Variants in MACROD2 observed in about 807,000 individuals in gnomAD.
The protein encoded by MACROD2 is ADP-ribose glycohydrolase MACROD2.
Under a neutral mutation model 70.4 loss-of-function variants are expected in MACROD2, and 36 were observed. The ratio of observed to expected loss-of-function variants is 0.51; its 90% CI spans 0.39 to 0.68. MACROD2 has a LOEUF of 0.68. MACROD2 is among the 30% of genes least tolerant of loss of function. The pLI is 0.00. For synonymous variants in MACROD2, 172 were observed against 178.8 expected (o/e 0.96, Z 0.30); for missense variants, 496 against 538.4 (o/e 0.92, Z 0.78).
chr20:14,897,034 T>C (rs745408612), intron 5 of MACROD2, among the ~76,000 whole-genome samples: 4 of 152,214 alleles, frequency 2.6e-5, no homozygotes, highest in Non-Finnish European at 4.4e-5. Context: ...GAGGTCTGCA[T>C]GTGAACGATG....
chr20:14,005,463 A>G (rs1420207325), intron 2 of MACROD2, among the ~76,000 whole-genome samples: 1 of 152,004 alleles, frequency 6.6e-6, no homozygotes, highest in Non-Finnish European at 1.5e-5. Flanking sequence ...TGTTGTGGGG[A>G]TTTTAAAATT....
intron 3 of MACROD2, among the ~76,000 whole-genome samples, chr20:14,207,322 G>C (rs1176310099): frequency 6.6e-6 from 1 of 152,032 alleles, no homozygotes; most frequent in Non-Finnish European, 1.5e-5. Flanking sequence ...GGATGGTCTC[G>C]ATCTCTTGAC....
intron 4 of MACROD2, among the ~76,000 whole-genome samples, chr20:14,597,307 T>G (rs1436802079): frequency 6.6e-6 from 1 of 152,168 alleles, no homozygotes; most frequent in Non-Finnish European, 1.5e-5. Flanking sequence ...ACATCTTATG[T>G]GGGAATGAAG....
At position 16,049,968 on chromosome 20, in the gene MACROD2, G is replaced by C. The variant is rs1281367780; in HGVS notation, c.*92G>C. 2.8e-6 allele frequency: 1 copy of C among 356,902 alleles called. No individual in the cohort carries two copies. Among genetic ancestry groups the C allele is most frequent in the Non-Finnish European group, 6.0e-6 (1 of 165,486 alleles). The allele number at this position is 356,902 out of a possible 1,614,324, so 22.1% of individuals were successfully genotyped here. ...TGGAGGAGGGTGGGGGTGGGGGGAA[G>C]GCAAGTCCCATGGAAGGACGGGGAA... On this transcript the variant is annotated 3_prime_UTR_variant, in exon 18 of 18. Coordinates refer to ENST00000684519, the MANE Select transcript of MACROD2 (RefSeq NM_001351661.2).
chr20:15,754,980 T>C (rs1320159373), intron 8 of MACROD2, among the ~76,000 whole-genome samples: 1 of 152,016 alleles, frequency 6.6e-6, no homozygotes, highest in Non-Finnish European at 1.5e-5. Context: ...TACCTTAGCC[T>C]CCTGGGTAGT....
At chr20:14,261,736 G>T (rs112871827) in intron 3 of MACROD2, among the ~76,000 whole-genome samples, 1 of 65,534 alleles carries the variant, frequency 1.5e-5, no homozygotes, top group Non-Finnish European at 5.7e-5. Context: ...GTCAGATACT[G>T]ACAGTACAAA....
intron 2 of MACROD2, among the ~76,000 whole-genome samples, chr20:14,015,270 A>G (rs1431546563): frequency 6.6e-6 from 1 of 152,052 alleles, no homozygotes; most frequent in Non-Finnish European, 1.5e-5. Flanking sequence ...CATTTTCACA[A>G]TTTTTTCATA....
chr20:14,360,181 G>C (rs1265177290), intron 3 of MACROD2, among the ~76,000 whole-genome samples: 1 of 152,080 alleles, frequency 6.6e-6, no homozygotes, highest in East Asian at 1.9e-4. Flanking sequence ...TGAGGAATAA[G>C]TTCAAGAGAT....
intron 4 of MACROD2, 118 bp from the exon 5 acceptor site, chr20:14,684,725 C>T (rs143766703): frequency 1.5e-6 from 1 of 686,804 alleles, no homozygotes; most frequent in Non-Finnish European, 2.4e-6. Flanking sequence ...GGGTTTTCTT[C>T]CACGGGCTAT....
chr20:15,449,174 A>G (rs950672225), intron 7 of MACROD2, among the ~76,000 whole-genome samples: 2 of 152,134 alleles, frequency 1.3e-5, no homozygotes, highest in Admixed American at 6.5e-5. Flanking sequence ...GTTCCATGGA[A>G]CATACTGAAT....
intron 3 of MACROD2, among the ~76,000 whole-genome samples, chr20:14,130,585 C>A (rs1184871577): frequency 1.3e-5 from 2 of 152,040 alleles, no homozygotes; most frequent in Non-Finnish European, 2.9e-5. Flanking sequence ...CTACCGTTAG[C>A]ATAGGAAAAT....
intron 3 of MACROD2, among the ~76,000 whole-genome samples, chr20:14,449,210 T>C (rs367606177): frequency 1.3e-4 from 20 of 152,238 alleles, no homozygotes; most frequent in African/African-American, 4.8e-4. Context: ...CAGATTAATT[T>C]TTCTGCATCA....
Position 14,964,785 on chromosome 20 carries a change from T to A in MACROD2, c.419-265155T>A, listed in dbSNP as rs551325490. ...CTGTGCTATACTTTAGTGTTATTTT[T>A]AAAAATCACGCTCAACTAAAAATGG... is the stretch of plus-strand genomic sequence containing the variant. On this transcript the variant is annotated intron_variant, in intron 5 of 17. Transcript: ENST00000684519. Among the ~76,000 whole-genome samples the A allele has an allele frequency of 2.2e-4, 33 of 152,248 alleles. 1 individual carries two copies. The highest frequency in any genetic ancestry group is 2.9e-5 in the Non-Finnish European group (2 of 68,010).
chr20:15,140,732 A>T (rs1205830729), intron 5 of MACROD2, among the ~76,000 whole-genome samples: 1 of 152,136 alleles, frequency 6.6e-6, no homozygotes, highest in Non-Finnish European at 1.5e-5. Flanking sequence ...GTTGCTGAAG[A>T]ACAGGAATCT....
At chr20:14,638,131 A>G (rs1410062185) in intron 4 of MACROD2, among the ~76,000 whole-genome samples, 1 of 151,432 alleles carries the variant, frequency 6.6e-6, no homozygotes. Flanking sequence ...CTATAATGGG[A>G]TTTTCTAAAC....
chr20:15,269,266 C>A (rs765865856), intron 6 of MACROD2, among the ~76,000 whole-genome samples: 4 of 152,194 alleles, frequency 2.6e-5, no homozygotes, highest in Non-Finnish European at 5.9e-5. Context: ...CATGCATGGC[C>A]AGGCTGGCCT....
At chr20:15,289,962 C>T (rs750791726) in intron 6 of MACROD2, among the ~76,000 whole-genome samples, 4 of 152,206 alleles carry the variant, frequency 2.6e-5, no homozygotes, top group Admixed American at 6.5e-5. Flanking sequence ...ACAAGACTTT[C>T]TGGTTTTCCA....
intron 5 of MACROD2, among the ~76,000 whole-genome samples, chr20:14,882,680 A>G (rs1394483907): frequency 6.6e-6 from 1 of 152,224 alleles, no homozygotes; most frequent in Admixed American, 6.5e-5. Flanking sequence ...CTAAAGAAGC[A>G]GAAAGGCGTT....
At chr20:15,484,042 CTTTTATTTTATTTTATTTTA>C (rs3071258) in intron 7 of MACROD2, among the ~76,000 whole-genome samples, 4 of 136,294 alleles carry the variant, frequency 2.9e-5, no homozygotes, top group African/African-American at 1.1e-4. Flanking sequence ...ATCATTATGC[CTTTTATTTTATTTTATTTTA>C]TTTTATTTTA....
Sources: gnomAD v4.1 joint callset for allele counts (sites outside exome capture counted in the v4.1 genomes callset) on GRCh38, gnomAD v4.1.1 for gene constraint, MANE v1.5 for transcripts, NCBI Gene and HGNC (gene_info 2026-07-23, HGNC 2026-07-21) for gene names.